TSPAN9: variants seen among roughly 807,000 people sequenced by gnomAD.
TSPAN9 encodes tetraspanin 9, also known as tetraspanin-9.
In TSPAN9, 16 loss-of-function variants were observed where a neutral mutation model predicts 31.0. That is an observed-to-expected ratio of 0.52 (90% CI 0.35 to 0.78). TSPAN9 has a LOEUF of 0.78. TSPAN9 is among the 30% of genes least tolerant of loss of function. The pLI is 0.01. For missense variants in TSPAN9, 272 were observed against 312.5 expected (o/e 0.87, Z 0.98); for synonymous variants, 145 against 121.6 (o/e 1.19, Z -1.27).
intron 2 of TSPAN9, among the ~76,000 whole-genome samples, chr12:3,102,297 T>A (rs556247063): frequency 1.1e-4 from 16 of 152,110 alleles, no homozygotes; most frequent in South Asian, 4.2e-4. Flanking sequence ...CCAACATTTT[T>A]AAAATTTTTT....
intron 2 of TSPAN9, among the ~76,000 whole-genome samples, chr12:3,160,566 C>A (rs1047083216): frequency 1.1e-4 from 17 of 152,300 alleles, no homozygotes; most frequent in South Asian, 2.1e-4. Flanking sequence ...GTAATGTATT[C>A]CAATTGGGAA....
intron 2 of TSPAN9, among the ~76,000 whole-genome samples, chr12:3,165,460 C>T (rs868321969): frequency 9.8e-5 from 15 of 152,308 alleles, no homozygotes; most frequent in Middle Eastern, 6.8e-3. Context: ...GCCAGGAAAT[C>T]ACTTCCTTTG....
Position 3,280,295 on chromosome 12 carries a change from CCCA to C in TSPAN9, c.331-83_331-81del. On this transcript the variant is annotated intron_variant, in intron 5 of 8. Transcript: ENST00000011898. The surrounding 1 kb of genome is among the most constrained non-coding windows in gnomAD (Gnocchi z 4.5). The stretch of plus-strand genomic sequence containing the variant: ...TGCCTTCCTCACTCCTCATCTGTCA[CCCA>C]CCATCCTGGGTGACCTGAGGTGGGC... The C allele has an allele frequency of 8.1e-7, 1 of 1,228,644 alleles. No individual in the cohort carries two copies. The highest frequency in any genetic ancestry group is 1.2e-6 in the Non-Finnish European group (1 of 848,236). The allele number at this position is 1,228,644 out of a possible 1,614,324, so 76.1% of individuals were successfully genotyped here. A position where few individuals can be genotyped will look rare whatever the true frequency, so the allele number is the denominator to read the frequency against.
chr12:3,217,359 A>G lies in TSPAN9; in HGVS notation c.63+16103A>G, dbSNP rs149099128. On this transcript the variant is annotated intron_variant, in intron 3 of 8. Transcript: ENST00000011898. Reference sequence around the variant, plus strand: ...AAGGGAGGTGGTCAGAGACACCCTCAGCTTCTCTGACATCTGTCTAGCTAT... The same window carrying G: ...AAGGGAGGTGGTCAGAGACACCCTCGGCTTCTCTGACATCTGTCTAGCTAT... Among the ~76,000 whole-genome samples, 342 of 152,222 alleles carry G rather than the reference A, an allele frequency of 2.2e-3. 7 individuals are homozygous for G. The highest frequency in any genetic ancestry group is 0.02 in the Admixed American group (305 of 15,298).
intron 3 of TSPAN9, among the ~76,000 whole-genome samples, chr12:3,263,453 G>T (rs530206435): frequency 4.9e-4 from 74 of 152,360 alleles, no homozygotes; most frequent in African/African-American, 1.6e-3. Flanking sequence ...TGGACGGGCA[G>T]ATGGCCCTTC....
chr12:3,208,480 T>C (rs892087492), intron 3 of TSPAN9, among the ~76,000 whole-genome samples: 1 of 152,108 alleles, frequency 6.6e-6, no homozygotes, highest in African/African-American at 2.4e-5. Context: ...GTCCTAGGGG[T>C]GACAAGTGGG....
At chr12:3,204,791 G>A (rs2098374091) in intron 3 of TSPAN9, among the ~76,000 whole-genome samples, 1 of 152,196 alleles carries the variant, frequency 6.6e-6, no homozygotes, top group South Asian at 2.1e-4. Context: ...CCATACTGAG[G>A]ATCCTGTTCT....
intron 3 of TSPAN9, among the ~76,000 whole-genome samples, chr12:3,240,423 C>T (rs1452835717): frequency 3.3e-5 from 5 of 152,140 alleles, no homozygotes; most frequent in Non-Finnish European, 5.9e-5. Context: ...GTGCTTGCTA[C>T]GGGTGGGACA....
At chr12:3,094,983 A>G (rs1490731232) in intron 2 of TSPAN9, among the ~76,000 whole-genome samples, 1 of 114,686 alleles carries the variant, frequency 8.7e-6, no homozygotes, top group Non-Finnish European at 1.7e-5. Flanking sequence ...AAGTGAACAA[A>G]GGTCTCTGGT....
chr12:3,094,678 G>A (rs912803630), intron 2 of TSPAN9, among the ~76,000 whole-genome samples: 3 of 151,636 alleles, frequency 2.0e-5, no homozygotes, highest in Non-Finnish European at 2.9e-5. Flanking sequence ...TGGGATTACA[G>A]GTGGCTGCCA....
At position 3,168,792 on chromosome 12, in the gene TSPAN9, A is replaced by G. The variant is rs1422307445; in HGVS notation, c.-17-32385A>G. On this transcript the variant is annotated intron_variant, in intron 2 of 8. Coordinates refer to ENST00000011898, the MANE Select transcript of TSPAN9 (RefSeq NM_006675.5). This position sits in a 1 kb window ranked among gnomAD's most constrained non-coding sequence, Gnocchi z 4.0. ...CGCCCCCTCTCTTTTCTGTGTCTCC[A>G]CCATAAAGTACTCGTTGAGTAAATG... 6.6e-6 allele frequency among the ~76,000 whole-genome samples: 1 copy of G among 152,136 alleles called. No homozygotes were observed. The highest frequency in any genetic ancestry group is 1.5e-5 in the Non-Finnish European group (1 of 68,022).
chr12:3,210,358 C>T (rs972529517), intron 3 of TSPAN9, among the ~76,000 whole-genome samples: 1 of 152,128 alleles, frequency 6.6e-6, no homozygotes, highest in East Asian at 1.9e-4. Flanking sequence ...TGGCATTCTC[C>T]AGTACAGTGG....
chr12:3,255,566 A>T (rs1186652420), intron 3 of TSPAN9, among the ~76,000 whole-genome samples: 1 of 152,134 alleles, frequency 6.6e-6, no homozygotes, highest in Non-Finnish European at 1.5e-5. Flanking sequence ...TGGTGTGGGG[A>T]GGACGGCACG....
rs953721471 is a variant in TSPAN9 at position 3,285,437 on chromosome 12, C to T, written c.*2321C>T. ...GCCCCAGAGCCTTTGCCACAGTGCTCCCACCAGCCCCCACCTCATCCGTCT... is the reference window on the plus strand; with the variant it reads ...GCCCCAGAGCCTTTGCCACAGTGCTTCCACCAGCCCCCACCTCATCCGTCT... On this transcript the variant is annotated 3_prime_UTR_variant, in exon 9 of 9. Transcript: ENST00000011898. The T allele has an allele frequency of 3.3e-5, 5 of 152,242 alleles. No individual in the cohort carries two copies. Among genetic ancestry groups the T allele is most frequent in the African/African-American group, 9.7e-5 (4 of 41,444 alleles). 9.4% of individuals were successfully genotyped at this position (152,242 alleles called of 1,614,324 possible). A position where few individuals can be genotyped will look rare whatever the true frequency, so the allele number is the denominator to read the frequency against.
Position 3,077,389 on chromosome 12 carries a change from G to C in TSPAN9, c.-149G>C, listed in dbSNP as rs1307273348. The C allele has an allele frequency of 3.8e-5, 1 of 26,176 alleles. No individual in the cohort carries two copies. The highest frequency in any genetic ancestry group is 1.8e-4 in the Non-Finnish European group (1 of 5,618). 1.6% of individuals were successfully genotyped at this position (26,176 alleles called of 1,614,324 possible). ...CAGGCCCCGCCCCCTGTTTCCGCTG[G>C]CGGCGGCGGCGGCGGCGGTGCCGGA... is the stretch of plus-strand genomic sequence containing the variant. On this transcript the variant is annotated 5_prime_UTR_variant, in exon 1 of 9. Coordinates refer to ENST00000011898, the MANE Select transcript of TSPAN9 (RefSeq NM_006675.5).
At chr12:3,211,574 C>A in intron 3 of TSPAN9, 2 of 1,095,800 alleles carry the variant, frequency 1.8e-6, no homozygotes, top group Non-Finnish European at 2.6e-6. Context: ...CATTCATCAT[C>A]TTAGGGAAAA....
intron 2 of TSPAN9, chr12:3,151,361 G>A (rs1807321125): frequency 6.6e-6 from 1 of 152,300 alleles, no homozygotes; most frequent in Non-Finnish European, 1.5e-5. Flanking sequence ...AGCCCGTGGT[G>A]GGGTGGATTT....
chr12:3,147,611 G>A lies in TSPAN9; in HGVS notation c.-17-53566G>A, dbSNP rs1173246376. Among the ~76,000 whole-genome samples, 8 of 152,266 alleles carry A rather than the reference G, an allele frequency of 5.3e-5. No homozygotes were observed. In the South Asian group the frequency reaches 1.0e-3, roughly 20 times the overall value. ...CGATGGAAGTGTTCTGTTCTGTACC[G>A]CCCAGTACAGTAGCCACCGGCTACA... On this transcript the variant is annotated intron_variant, in intron 2 of 8. Coordinates refer to ENST00000011898, the MANE Select transcript of TSPAN9 (RefSeq NM_006675.5). This position sits in a 1 kb window ranked among gnomAD's most constrained non-coding sequence, Gnocchi z 4.3.
intron 3 of TSPAN9, among the ~76,000 whole-genome samples, chr12:3,245,061 A>C (rs1862093938): frequency 1.3e-5 from 2 of 152,156 alleles, no homozygotes; most frequent in Non-Finnish European, 2.9e-5. Flanking sequence ...TCCTGGGAAG[A>C]AGAGAGGAAG....
Sources: allele counts gnomAD v4.1 joint callset (sites outside exome capture counted in the v4.1 genomes callset), GRCh38; gene constraint gnomAD v4.1.1; non-coding constraint Gnocchi (gnomAD v3.1); transcripts MANE v1.5; gene names NCBI Gene and HGNC (gene_info 2026-07-23, HGNC 2026-07-21).